SUV39H2: variants seen among roughly 807,000 people sequenced by gnomAD.
SUV39H2 encodes SUV39H2 histone lysine methyltransferase, also known as histone-lysine N-methyltransferase SUV39H2.
In SUV39H2, 10 loss-of-function variants were observed where a neutral mutation model predicts 47.5. The observed-to-expected ratio is 0.21, with a 90% confidence interval of 0.13 to 0.36. SUV39H2 has a LOEUF of 0.36. SUV39H2 is among the 10% of genes least tolerant of loss of function. The pLI is 1.00. For synonymous variants in SUV39H2, 159 were observed against 166.8 expected, an observed-to-expected ratio of 0.95 and a Z score of 0.36; for missense variants, 266 against 487.4, an observed-to-expected ratio of 0.55 and a Z score of 4.28.
chr10:14,900,395 C>A (rs1380292961), intron 4 of SUV39H2, among the ~76,000 whole-genome samples: 3 of 152,108 alleles, frequency 2.0e-5, no homozygotes, highest in Admixed American at 2.0e-4. Flanking sequence ...AGTTATATAG[C>A]TGAACATATA....
chr10:14,898,963 G>C (rs892134626), intron 3 of SUV39H2: 16 of 462,670 alleles, frequency 3.5e-5, no homozygotes, highest in Non-Finnish European at 5.0e-5. Context: ...AGCTATAGTT[G>C]TATAGCTTTT....
chr10:14,888,748 T>G (rs1833293729), intron 2 of SUV39H2, among the ~76,000 whole-genome samples: 1 of 152,032 alleles, frequency 6.6e-6, no homozygotes, highest in Admixed American at 6.5e-5. Context: ...TCCACTGTAT[T>G]TAGTAATGGA....
intron 2 of SUV39H2, among the ~76,000 whole-genome samples, chr10:14,887,275 C>G (rs746633013): frequency 6.6e-6 from 1 of 152,062 alleles, no homozygotes; most frequent in African/African-American, 2.4e-5. Context: ...AAATGTATGT[C>G]TGTGGCTTGT....
rs112215966 is a variant in SUV39H2 at position 14,883,574 on chromosome 10, G to A, written c.177+1929G>A. 4.0e-5 allele frequency among the ~76,000 whole-genome samples: 6 copies of A among 151,280 alleles called. No individual in the cohort carries two copies. In the South Asian group the frequency reaches 6.3e-4, roughly 16 times the overall value. On this transcript the variant is annotated intron_variant, in intron 2 of 5. Transcript: ENST00000354919. ...ACAAAAATTAGCCGGGCATGGTGGC[G>A]GGCCCCTGTAATCCCAGCTACTCAG...
Position 14,881,664 on chromosome 10 carries a change from C to A in SUV39H2, c.177+19C>A. The A allele has an allele frequency of 6.7e-7, 1 of 1,494,690 alleles. No homozygotes were observed. The highest frequency in any genetic ancestry group is 8.9e-7 in the Non-Finnish European group (1 of 1,123,166). 92.6% of individuals were successfully genotyped at this position (1,494,690 alleles called of 1,614,324 possible). ...AGTAAAGGTAAGGCAAATATCTAGCCCCTTACAAGAGACCTAATCAGACTT... is the reference window on the plus strand; with the variant it reads ...AGTAAAGGTAAGGCAAATATCTAGCACCTTACAAGAGACCTAATCAGACTT... On this transcript the variant is annotated intron_variant, in intron 2 of 5. Transcript: ENST00000354919.
At chr10:14,879,835 A>G (rs1832990518) in intron 1 of SUV39H2, 1 of 151,644 alleles carries the variant, frequency 6.6e-6, no homozygotes. Flanking sequence ...TAATTTTGTC[A>G]GTGAAATCTT....
At chr10:14,894,978 G>A (rs937963230) in intron 2 of SUV39H2, among the ~76,000 whole-genome samples, 2 of 152,004 alleles carry the variant, frequency 1.3e-5, no homozygotes, top group Non-Finnish European at 2.9e-5. Flanking sequence ...AGATTTTTCA[G>A]TATCTAAGAC....
chr10:14,896,193 T>G (rs1833596883), intron 2 of SUV39H2, among the ~76,000 whole-genome samples: 1 of 152,214 alleles, frequency 6.6e-6, no homozygotes, highest in East Asian at 1.9e-4. Context: ...TCCACCCACC[T>G]TGGCCTCCCA....
Position 14,899,583 on chromosome 10 carries a change from C to A in SUV39H2, c.894C>A (p.Asp298Glu). 1 of 1,614,104 alleles carries A rather than the reference C, an allele frequency of 6.2e-7. No homozygotes were observed. Among genetic ancestry groups the A allele is most frequent in the Non-Finnish European group, 8.5e-7 (1 of 1,180,014 alleles). Residue 298 changes from aspartate to glutamate, a missense_variant, in exon 4 of 6, where the codon GAC (aspartate) becomes GAA (glutamate). This residue lies in a region of SUV39H2 where 112 missense variants were observed against 271.9 expected (regional missense o/e 0.41). Coordinates refer to ENST00000354919, the MANE Select transcript of SUV39H2 (RefSeq NM_001193424.2). ...EEAERRGQFY[D>E]NKGITYLFDL... The stretch of plus-strand genomic sequence containing the variant: ...CTGAAAGACGAGGACAGTTCTATGA[C>A]AACAAGGGAATCACGTATCTCTTTG...
intron 1 of SUV39H2, chr10:14,879,202 G>C: frequency 3.8e-6 from 4 of 1,050,710 alleles, no homozygotes; most frequent in Non-Finnish European, 4.8e-6. Context: ...GGCCCCCTCC[G>C]CGTCTCCCGT....
At chr10:14,901,756 G>A (rs1834036396) in intron 5 of SUV39H2, among the ~76,000 whole-genome samples, 2 of 151,880 alleles carry the variant, frequency 1.3e-5, no homozygotes, top group African/African-American at 2.4e-5. Flanking sequence ...GCTTGAGACA[G>A]GGAGGTTGGG....
chr10:14,899,101 C>T (rs1833808293), intron 3 of SUV39H2: 1 of 631,988 alleles, frequency 1.6e-6, no homozygotes, highest in Admixed American at 2.4e-5. Flanking sequence ...TGGAGGCTCA[C>T]TTGAGCCCAG....
intron 2 of SUV39H2, among the ~76,000 whole-genome samples, chr10:14,884,137 A>AT (rs1364611444): frequency 6.6e-6 from 1 of 152,224 alleles, no homozygotes; most frequent in Non-Finnish European, 1.5e-5. Context: ...TGTTATGAAC[A>AT]TTCGCCTACA....
chr10:14,895,482 G>T (rs984191961), intron 2 of SUV39H2, among the ~76,000 whole-genome samples: 1 of 152,084 alleles, frequency 6.6e-6, no homozygotes, highest in African/African-American at 2.4e-5. Flanking sequence ...AGCCGGAACT[G>T]CCTTTTTAAA....
chr10:14,886,841 G>A (rs897302586), intron 2 of SUV39H2, among the ~76,000 whole-genome samples: 28 of 152,352 alleles, frequency 1.8e-4, no homozygotes, highest in African/African-American at 5.0e-4. Context: ...ATCGTTAGAA[G>A]ATCTGTGGGA....
rs1184108874 is a variant in SUV39H2, at chr10:14,899,259, A to G, written c.850-280A>G. The stretch of plus-strand genomic sequence containing the variant: ...CGCTTGATCCCAGGAGTTAAAGGAT[A>G]CAGGGAGTCATGATGGCACCACCGC... On this transcript the variant is annotated intron_variant, in intron 3 of 5. Coordinates refer to ENST00000354919, the MANE Select transcript of SUV39H2 (RefSeq NM_001193424.2). 7.1e-6 allele frequency: 5 copies of G among 702,026 alleles called. No homozygotes were observed. The East Asian group carries it at 1.1e-4, about 15-fold the overall frequency. The allele number at this position is 702,026 out of a possible 1,614,324, so 43.5% of individuals were successfully genotyped here. A position where few individuals can be genotyped will look rare whatever the true frequency, so the allele number is the denominator to read the frequency against.
intron 2 of SUV39H2, among the ~76,000 whole-genome samples, chr10:14,894,741 G>C (rs1020723028): frequency 1.3e-5 from 2 of 152,220 alleles, no homozygotes; most frequent in Non-Finnish European, 2.9e-5. Context: ...GATGCAGATA[G>C]TGGGGATAAA....
intron 1 of SUV39H2, 101 bp downstream of exon 1, chr10:14,879,020 G>A: frequency 7.6e-7 from 1 of 1,318,254 alleles, no homozygotes; most frequent in East Asian, 3.2e-5. Context: ...TGGCGACGTG[G>A]CGGTTCCCCG....
chr10:14,893,448 TG>T (rs1833462063), intron 2 of SUV39H2, among the ~76,000 whole-genome samples: 1 of 152,352 alleles, frequency 6.6e-6, no homozygotes, highest in African/African-American at 2.4e-5. Flanking sequence ...GAGTGATTTA[TG>T]GATCGTTTTT....
Sources: allele counts gnomAD v4.1 joint callset (sites outside exome capture counted in the v4.1 genomes callset), GRCh38; gene constraint gnomAD v4.1.1; regional missense constraint gnomAD v4.1.1; transcripts MANE v1.5; gene names NCBI Gene and HGNC (gene_info 2026-07-23, HGNC 2026-07-21).